TBL1X: variants seen among roughly 807,000 people sequenced by gnomAD.
The protein encoded by TBL1X is F-box-like/WD repeat-containing protein TBL1X.
Under a neutral mutation model 50.7 loss-of-function variants are expected in TBL1X, and 10 were observed. The observed-to-expected ratio is 0.20, with a 90% confidence interval of 0.12 to 0.33. TBL1X has a LOEUF of 0.33. Ranked by LOEUF, TBL1X falls within the 10% of genes least tolerant of loss-of-function variation. The pLI, the probability that TBL1X is intolerant of heterozygous loss-of-function variation, is 1.00. For synonymous variants in TBL1X, 190 were observed against 214.7 expected (o/e 0.88, Z 1.01); for missense variants, 340 against 504.4 (o/e 0.67, Z 3.12).
intron 1 of TBL1X, among the ~76,000 whole-genome samples, chrX:9,476,173 C>T (rs2081848626): frequency 8.9e-6 from 1 of 112,295 alleles, no homozygotes; most frequent in Non-Finnish European, 1.9e-5. Context: ...TAGATTGATG[C>T]ACCTATCTCC....
At chrX:9,557,513 A>C (rs2082306481) in intron 2 of TBL1X, among the ~76,000 whole-genome samples, 1 of 110,993 alleles carries the variant, frequency 9.0e-6, no homozygotes, top group African/African-American at 3.3e-5. Context: ...GATTGATGGA[A>C]TACCAGGAGA....
chrX:9,512,396 T>C (rs762833626), intron 2 of TBL1X, among the ~76,000 whole-genome samples: 1 of 111,954 alleles, frequency 8.9e-6, no homozygotes, highest in South Asian at 3.7e-4. Flanking sequence ...CCCCCTGAGC[T>C]TAACTACCTG....
intron 3 of TBL1X, among the ~76,000 whole-genome samples, chrX:9,641,820 A>G (rs1301963096): frequency 1.8e-5 from 2 of 112,439 alleles, no homozygotes; most frequent in Admixed American, 1.9e-4. Context: ...TTGTGTGGCT[A>G]GACCATGGAT....
chrX:9,709,463 T>C, intron 14 of TBL1X, 141 bp downstream of exon 14: 1 of 970,886 alleles, frequency 1.0e-6, no homozygotes, highest in Admixed American at 2.7e-5. Context: ...GAGCTACGAT[T>C]TCTCAGTCAT....
intron 2 of TBL1X, among the ~76,000 whole-genome samples, chrX:9,587,648 T>C (rs2082477267): frequency 9.0e-6 from 1 of 111,236 alleles, no homozygotes; most frequent in African/African-American, 3.3e-5. Flanking sequence ...TTTATTGAGA[T>C]GCTGTGCACA....
chrX:9,469,713 G>C (rs1000079523), intron 1 of TBL1X, among the ~76,000 whole-genome samples: 5 of 112,200 alleles, frequency 4.5e-5, no homozygotes, highest in African/African-American at 1.6e-4. Context: ...TCAGGAGAGA[G>C]AACAATCTCC....
rs1391703356 is a variant in TBL1X, at chrX:9,656,131, C to T, written c.211+1809C>T. 8.9e-5 allele frequency among the ~76,000 whole-genome samples: 10 copies of T among 112,339 alleles called. 1 individual carries two copies. Among genetic ancestry groups the T allele is most frequent in the African/African-American group, 2.9e-4 (9 of 30,919 alleles). On this transcript the variant is annotated intron_variant, in intron 5 of 17. Coordinates refer to ENST00000645353, the MANE Select transcript of TBL1X (RefSeq NM_005647.4). The stretch of plus-strand genomic sequence containing the variant: ...CTCTGGAAATCAGGGAAATGATAAC[C>T]GCTCTGCTAATACCTCAACCTCGGC...
intron 13 of TBL1X, among the ~76,000 whole-genome samples, chrX:9,708,987 C>T (rs2098814799): frequency 8.9e-6 from 1 of 112,123 alleles, no homozygotes; most frequent in Non-Finnish European, 1.9e-5. Flanking sequence ...TCCTTCCTAG[C>T]AGGGAAGGTT....
intron 5 of TBL1X, among the ~76,000 whole-genome samples, chrX:9,655,998 A>G (rs756619082): frequency 8.8e-6 from 1 of 113,001 alleles, no homozygotes; most frequent in South Asian, 3.6e-4. Flanking sequence ...AGTGTTATTC[A>G]TGGAAAGTAC....
In TBL1X at chrX:9,485,864, A is replaced by G. The variant is rs1157168269; in HGVS notation, c.-200-15916A>G. ...TCTAACAAGCCTTGGAGCAGCTAGG[A>G]AGCTACCAGAAGATGTGTATGATCA... is the stretch of plus-strand genomic sequence containing the variant. On this transcript the variant is annotated intron_variant, in intron 1 of 17. Transcript: ENST00000645353. 2.7e-5 allele frequency among the ~76,000 whole-genome samples: 3 copies of G among 112,088 alleles called. No individual in the cohort carries two copies. In the East Asian group the frequency reaches 8.4e-4, roughly 31 times the overall value.
At chrX:9,472,131 G>C (rs2081819099) in intron 1 of TBL1X, among the ~76,000 whole-genome samples, 1 of 112,178 alleles carries the variant, frequency 8.9e-6, no homozygotes, top group African/African-American at 3.2e-5. Context: ...CCTGTTGTTA[G>C]GATTTAGAGT....
At chrX:9,698,706 G>A (rs1044291184) in intron 12 of TBL1X, among the ~76,000 whole-genome samples, 3 of 111,995 alleles carry the variant, frequency 2.7e-5, no homozygotes, top group South Asian at 3.7e-4. Context: ...AGCCGCTTGC[G>A]TCTGTTAGGG....
At chrX:9,536,561 C>T (rs2082189023) in intron 2 of TBL1X, among the ~76,000 whole-genome samples, 1 of 111,379 alleles carries the variant, frequency 9.0e-6, no homozygotes. Flanking sequence ...AAATTGAGCA[C>T]TTTTATCATG....
intron 1 of TBL1X, among the ~76,000 whole-genome samples, chrX:9,493,373 T>C (rs756165227): frequency 8.9e-6 from 1 of 111,801 alleles, no homozygotes; most frequent in Non-Finnish European, 1.9e-5. Flanking sequence ...TGAAGACTTT[T>C]GGGGATTTGT....
At chrX:9,528,786 A>G (rs1199625223) in intron 2 of TBL1X, among the ~76,000 whole-genome samples, 5 of 109,709 alleles carry the variant, frequency 4.6e-5, no homozygotes, top group African/African-American at 1.7e-4. Context: ...AGCTGAACCC[A>G]TGGGTGCTCT....
intron 2 of TBL1X, among the ~76,000 whole-genome samples, chrX:9,511,768 A>G (rs987307863): frequency 8.9e-6 from 1 of 112,552 alleles, no homozygotes; most frequent in African/African-American, 3.2e-5. Context: ...AATAATGAAG[A>G]CTATTTGAAA....
At chrX:9,618,402 G>A (rs1029555781) in intron 2 of TBL1X, among the ~76,000 whole-genome samples, 4 of 112,248 alleles carry the variant, frequency 3.6e-5, no homozygotes, top group African/African-American at 9.7e-5. Context: ...CTGGCCGGGC[G>A]CGGTGGCTCA....
In TBL1X at chrX:9,646,114, C is replaced by T. The variant is rs970932823; in HGVS notation, c.-43+5754C>T. Among the ~76,000 whole-genome samples the T allele has an allele frequency of 5.3e-5, 6 of 112,682 alleles. No individual in the cohort carries two copies. The South Asian group carries it at 1.5e-3, about 28-fold the overall frequency. On this transcript the variant is annotated intron_variant, in intron 3 of 17. Transcript: ENST00000645353. Reference sequence around the variant, plus strand: ...TTATGACTGGTGAGATCGATCGTATCGTGCACATAGCACTCACACCTGATA... The same window carrying T: ...TTATGACTGGTGAGATCGATCGTATTGTGCACATAGCACTCACACCTGATA...
rs1044380345 is a variant in TBL1X, at chrX:9,695,381, A to G, written c.1053+1962A>G. ...CCTTTCAGACTTAGTAGCCTGGTTT[A>G]TGATATTTTAAAAGCTGAGTTGCTG... On this transcript the variant is annotated intron_variant, in intron 11 of 17. Coordinates refer to ENST00000645353, the MANE Select transcript of TBL1X (RefSeq NM_005647.4). Among the ~76,000 whole-genome samples, 3 of 112,598 alleles carry G rather than the reference A, an allele frequency of 2.7e-5. No individual in the cohort carries two copies. The Admixed American group carries it at 2.8e-4, about 11-fold the overall frequency.
Sources: allele counts gnomAD v4.1 joint callset (sites outside exome capture counted in the v4.1 genomes callset), GRCh38; gene constraint gnomAD v4.1.1; transcripts MANE v1.5; gene names NCBI Gene and HGNC (gene_info 2026-07-23, HGNC 2026-07-21).